DPY19L1: variants seen among roughly 807,000 people sequenced by gnomAD.
DPY19L1 encodes protein C-mannosyl-transferase DPY19L1.
DPY19L1 carries 35 observed loss-of-function variants against 96.9 expected under a neutral mutation model. The ratio of observed to expected loss-of-function variants is 0.36; its 90% CI spans 0.28 to 0.48. The LOEUF is 0.48. Among genes scored for constraint, DPY19L1 ranks in the 20% least tolerant of loss-of-function variants. The pLI is 0.99. For missense variants in DPY19L1, 521 were observed against 777.9 expected (o/e 0.67, Z 3.93); for synonymous variants, 205 against 252.6 (o/e 0.81, Z 1.79).
rs556556367 is a variant in DPY19L1 at position 34,966,030 on chromosome 7, T to C, written c.1092+864A>G. Reference sequence around the variant, plus strand: ...CTTACCTTTTCTTTCTTCTAAAATCTTTTTTTGTATTTTTTTTTAATAGAG... The same window carrying C: ...CTTACCTTTTCTTTCTTCTAAAATCCTTTTTTGTATTTTTTTTTAATAGAG... On this transcript the variant is annotated intron_variant, in intron 10 of 21. Coordinates refer to ENST00000638088, the MANE Select transcript of DPY19L1 (RefSeq NM_001366673.1). 5.9e-4 allele frequency among the ~76,000 whole-genome samples: 90 copies of C among 152,120 alleles called. No homozygotes were observed. The South Asian group carries it at 0.017, about 29-fold the overall frequency.
At chr7:35,036,330 T>G (rs975714149) in intron 1 of DPY19L1, among the ~76,000 whole-genome samples, 3 of 152,134 alleles carry the variant, frequency 2.0e-5, no homozygotes, top group Non-Finnish European at 4.4e-5. Context: ...TTATCCAAAC[T>G]GCTACAACTT....
chr7:34,937,497 C>CA (rs1487067609), intron 21 of DPY19L1, among the ~76,000 whole-genome samples: 2 of 151,954 alleles, frequency 1.3e-5, no homozygotes, highest in Admixed American at 6.5e-5. Context: ...TTTAAAACAT[C>CA]AAAGGCAAAT....
At chr7:35,006,072 G>GTAT (rs560151704) in intron 6 of DPY19L1, among the ~76,000 whole-genome samples, 1 of 152,084 alleles carries the variant, frequency 6.6e-6, no homozygotes, top group Non-Finnish European at 1.5e-5. Flanking sequence ...GCTAGTCAGA[G>GTAT]TATTTCTGGC....
At chr7:35,017,517 A>AC in intron 3 of DPY19L1, among the ~76,000 whole-genome samples, 2 of 137,398 alleles carry the variant, frequency 1.5e-5, no homozygotes, top group African/African-American at 5.6e-5. Flanking sequence ...AAAAAAAAAA[A>AC]AAAAATTAGC....
chr7:34,994,631 C>T (rs958298677), intron 6 of DPY19L1, among the ~76,000 whole-genome samples: 4 of 151,884 alleles, frequency 2.6e-5, no homozygotes, highest in African/African-American at 7.3e-5. Context: ...TGGTGAAAAC[C>T]GTCTCTACTA....
chr7:35,031,908 TG>T (rs1786269003), intron 1 of DPY19L1, among the ~76,000 whole-genome samples: 1 of 152,214 alleles, frequency 6.6e-6, no homozygotes, highest in Non-Finnish European at 1.5e-5. Flanking sequence ...AAATTCCCAT[TG>T]GCATAACCTC....
chr7:34,951,500 C>T (rs1279307915), intron 13 of DPY19L1, among the ~76,000 whole-genome samples: 1 of 151,752 alleles, frequency 6.6e-6, no homozygotes, highest in African/African-American at 2.4e-5. Context: ...TAAAACTTAA[C>T]CTTTTAAAAA....
intron 10 of DPY19L1, among the ~76,000 whole-genome samples, chr7:34,962,536 TTTGTCAAAA>T (rs1784521755): frequency 6.6e-6 from 1 of 152,158 alleles, no homozygotes; most frequent in Non-Finnish European, 1.5e-5. Flanking sequence ...TCATTATACA[TTTGTCAAAA>T]TCCAGGCCGA....
Position 35,037,326 on chromosome 7 carries a change from T to G in DPY19L1, c.69A>C (p.Ser23=). ...CCGACGCCCCCCTCAGCGGCGACTG[T>G]GAGGCGCGGGGTGGCTGGGGCGGCT... ...APKPPQPPRA[S]QSPLRGASDV... Residue 23 remains serine (S), a synonymous_variant, in exon 1 of 22, where the codon TCA becomes TCC. Transcript: ENST00000638088. The G allele has an allele frequency of 2.8e-6, 1 of 354,424 alleles. No individual in the cohort carries two copies. The highest frequency in any genetic ancestry group is 7.5e-4 in the Middle Eastern group (1 of 1,330). The allele number at this position is 354,424 out of a possible 1,614,324, so 22.0% of individuals were successfully genotyped here. A position where few individuals can be genotyped will look rare whatever the true frequency, so the allele number is the denominator to read the frequency against.
chr7:34,956,211 G>C (rs1282052023), intron 11 of DPY19L1, among the ~76,000 whole-genome samples: 1 of 152,242 alleles, frequency 6.6e-6, no homozygotes, highest in African/African-American at 2.4e-5. Flanking sequence ...CGATTCAATG[G>C]TTTCCCTGTC....
At chr7:34,988,137 C>T (rs1168721328) in intron 7 of DPY19L1, 3 of 151,966 alleles carry the variant, frequency 2.0e-5, no homozygotes, top group African/African-American at 7.2e-5. Flanking sequence ...ACATGAGTAT[C>T]AAAATTATAA....
intron 6 of DPY19L1, among the ~76,000 whole-genome samples, chr7:34,995,909 G>A (rs1194213586): frequency 7.1e-6 from 1 of 141,754 alleles, no homozygotes; most frequent in East Asian, 2.4e-4. Flanking sequence ...TATACTCATG[G>A]CGGCGGTGGG....
rs1784362429 is a variant in DPY19L1 at position 34,955,625 on chromosome 7, A to G, written c.1180-258T>C. 2.0e-5 allele frequency among the ~76,000 whole-genome samples: 3 copies of G among 152,300 alleles called. No homozygotes were observed. The South Asian group carries it at 6.2e-4, about 32-fold the overall frequency. ...CACCATATGTAAATGTCTATGACTG[A>G]TTTGACATATCTGATTTATCTCTGA... is the stretch of plus-strand genomic sequence containing the variant. On this transcript the variant is annotated intron_variant, in intron 11 of 21. Transcript: ENST00000638088.
At chr7:35,023,270 G>A (rs1227002896) in intron 1 of DPY19L1, among the ~76,000 whole-genome samples, 1 of 152,172 alleles carries the variant, frequency 6.6e-6, no homozygotes, top group Non-Finnish European at 1.5e-5. Flanking sequence ...GAGGGTCACT[G>A]GGAAGTACGA....
chr7:35,014,932 T>A (rs949729991), intron 3 of DPY19L1, among the ~76,000 whole-genome samples: 1 of 152,160 alleles, frequency 6.6e-6, no homozygotes, highest in African/African-American at 2.4e-5. Context: ...GGCATCAGCA[T>A]GCCAAGGAAT....
rs1356591500 is a variant in DPY19L1 at position 34,949,743 on chromosome 7, T to C, written c.1422+54A>G. 16 of 1,153,214 alleles carry C rather than the reference T, an allele frequency of 1.4e-5. No individual in the cohort carries two copies. The East Asian group carries it at 1.9e-4, about 14-fold the overall frequency. The allele number at this position is 1,153,214 out of a possible 1,614,324, so 71.4% of individuals were successfully genotyped here. On this transcript the variant is annotated intron_variant, in intron 14 of 21. Coordinates refer to ENST00000638088, the MANE Select transcript of DPY19L1 (RefSeq NM_001366673.1). ...TCTGATATAAGAGGAGCACTCCTTATGAAAAATGTATGGGCCAAAACCTTA... is the reference window on the plus strand; with the variant it reads ...TCTGATATAAGAGGAGCACTCCTTACGAAAAATGTATGGGCCAAAACCTTA...
At chr7:34,977,715 T>G (rs555600174) in intron 7 of DPY19L1, among the ~76,000 whole-genome samples, 27 of 152,318 alleles carry the variant, frequency 1.8e-4, no homozygotes, top group Non-Finnish European at 2.4e-4. Context: ...TTTATCTCAT[T>G]TTAAATGTAA....
At chr7:35,026,878 A>G (rs958606183) in intron 1 of DPY19L1, among the ~76,000 whole-genome samples, 3 of 152,206 alleles carry the variant, frequency 2.0e-5, no homozygotes, top group African/African-American at 4.8e-5. Flanking sequence ...TCAGCCTCTC[A>G]GAGTCTCATT....
intron 14 of DPY19L1, among the ~76,000 whole-genome samples, chr7:34,948,170 GA>G (rs75491277): frequency 0.25 from 38,434 of 151,618 alleles, 5,187 homozygotes; most frequent in Non-Finnish European, 0.31. Context: ...TTTAGTAGCA[GA>G]AAAAAAATAG....
Sources: allele counts gnomAD v4.1 joint callset (sites outside exome capture counted in the v4.1 genomes callset), GRCh38; gene constraint gnomAD v4.1.1; transcripts MANE v1.5; gene names NCBI Gene and HGNC (gene_info 2026-07-23, HGNC 2026-07-21).